Variants in CFLAR observed in about 807,000 individuals in gnomAD.
The protein encoded by CFLAR is CASP8 and FADD-like apoptosis regulator.
Under a neutral mutation model 51.1 loss-of-function variants are expected in CFLAR, and 14 were observed. That is an observed-to-expected ratio of 0.27 (90% CI 0.18 to 0.43). The LOEUF (loss-of-function observed/expected upper bound fraction) is 0.43. Among genes scored for constraint, CFLAR ranks in the 20% least tolerant of loss-of-function variants. CFLAR has a pLI of 1.00. For synonymous variants in CFLAR, 210 were observed against 211.6 expected (o/e 0.99, Z 0.06); for missense variants, 390 against 566.5 (o/e 0.69, Z 3.16).
rs1165942850 is a variant in CFLAR, at chr2:201,172,564, C to G, written c.*8591C>G. ...GAAACTCCATACCAGTGAGCTGCCACTCTAATCCTCCTCTTCCCCCAGCCT... is the reference window on the plus strand; with the variant it reads ...GAAACTCCATACCAGTGAGCTGCCAGTCTAATCCTCCTCTTCCCCCAGCCT... On this transcript the variant is annotated 3_prime_UTR_variant, in exon 10 of 10. Transcript: ENST00000309955. 3 of 152,222 alleles carry G rather than the reference C, an allele frequency of 2.0e-5. No individual in the cohort carries two copies. The allele number at this position is 152,222 out of a possible 1,614,324, so 9.4% of individuals were successfully genotyped here. A position where few individuals can be genotyped will look rare whatever the true frequency, so the allele number is the denominator to read the frequency against.
rs1350915644 is a variant in CFLAR at position 201,164,057 on chromosome 2, GGAGTTC to G, written c.*88_*93del. The G allele has an allele frequency of 1.6e-5, 18 of 1,157,618 alleles. No individual in the cohort carries two copies. The highest frequency in any genetic ancestry group is 1.8e-5 in the Non-Finnish European group (15 of 824,646). The allele number at this position is 1,157,618 out of a possible 1,614,324, so 71.7% of individuals were successfully genotyped here. A position where few individuals can be genotyped will look rare whatever the true frequency, so the allele number is the denominator to read the frequency against. ...AAGGAGGGCAGATCACTTCAGGTCA[GGAGTTC>G]GAGACCAGCCTGGCCAACATGGTAA... On this transcript the variant is annotated 3_prime_UTR_variant, in exon 10 of 10. Transcript: ENST00000309955.
intron 1 of CFLAR, among the ~76,000 whole-genome samples, chr2:201,120,023 C>CTTTTTTTTTTTTT (rs34076189): frequency 2.9e-4 from 32 of 112,270 alleles, no homozygotes; most frequent in East Asian, 4.8e-4. Flanking sequence ...CTTTTCTTTT[C>CTTTTTTTTTTTTT]TTTTTTTTTT....
chr2:201,146,649 A>AT (rs1291020672), intron 6 of CFLAR: 1 of 152,278 alleles, frequency 6.6e-6, no homozygotes, highest in Non-Finnish European at 1.5e-5. Context: ...TCTTACACTG[A>AT]TGAGGCACAT....
At chr2:201,130,187 G>GCC in intron 2 of CFLAR, 41 bp downstream of exon 2, 7 of 292,392 alleles carry the variant, frequency 2.4e-5, no homozygotes, top group East Asian at 9.3e-5. Context: ...GGGTGGGAGG[G>GCC]AGTGAAGTGT....
rs900949177 is a variant in CFLAR at position 201,174,368 on chromosome 2, A to G, written c.*10395A>G. The G allele has an allele frequency of 1.3e-5, 2 of 152,112 alleles. No homozygotes were observed. The highest frequency in any genetic ancestry group is 4.8e-5 in the African/African-American group (2 of 41,404). 9.4% of individuals were successfully genotyped at this position (152,112 alleles called of 1,614,324 possible). A position where few individuals can be genotyped will look rare whatever the true frequency, so the allele number is the denominator to read the frequency against. On this transcript the variant is annotated 3_prime_UTR_variant, in exon 10 of 10. Coordinates refer to ENST00000309955, the MANE Select transcript of CFLAR (RefSeq NM_003879.7). Reference sequence around the variant, plus strand: ...CTTAGCATTACTTATTGAAAATACTATTTTTTCCCTATAGAATTATTTTAT... The same window carrying G: ...CTTAGCATTACTTATTGAAAATACTGTTTTTTCCCTATAGAATTATTTTAT...
intron 8 of CFLAR, 43 bp from the exon 9 acceptor site, chr2:201,160,389 C>A: frequency 1.9e-6 from 3 of 1,584,034 alleles, no homozygotes; most frequent in Non-Finnish European, 2.6e-6. Context: ...GAGCTCTCCT[C>A]ACTCCAGTGT....
At chr2:201,120,008 GC>G (rs2048030018) in intron 1 of CFLAR, among the ~76,000 whole-genome samples, 1 of 149,416 alleles carries the variant, frequency 6.7e-6, no homozygotes, top group South Asian at 2.1e-4. Context: ...TCAAGGTGGG[GC>G]CTTCTTTTCT....
At chr2:201,149,712 G>A (rs1940924792) in intron 7 of CFLAR, 42 bp from the exon 8 acceptor site, 2 of 1,479,326 alleles carry the variant, frequency 1.4e-6, no homozygotes, top group African/African-American at 1.4e-5. Flanking sequence ...TAGAAACAGA[G>A]CAATATCCAG....
Position 201,155,666 on chromosome 2 carries a change from C to G in CFLAR, c.794-4766C>G, listed in dbSNP as rs551791519. ...TGAGACAGGGTCTTGCTCTATCACC[C>G]AGAATGGAGCACAGGGGTACAATCA... On this transcript the variant is annotated intron_variant, in intron 8 of 9. Coordinates refer to ENST00000309955, the MANE Select transcript of CFLAR (RefSeq NM_003879.7). Among the ~76,000 whole-genome samples, 131 of 152,074 alleles carry G rather than the reference C, an allele frequency of 8.6e-4. 1 individual carries two copies. Among genetic ancestry groups the G allele is most frequent in the African/African-American group, 3.0e-3 (125 of 41,456 alleles).
chr2:201,131,726 A>G (rs1350117820), intron 2 of CFLAR, among the ~76,000 whole-genome samples: 2 of 152,026 alleles, frequency 1.3e-5, no homozygotes, highest in Non-Finnish European at 2.9e-5. Flanking sequence ...TTTTTGAGAC[A>G]GGGTCTTGCT....
chr2:201,155,553 C>T (rs769395853), intron 8 of CFLAR, among the ~76,000 whole-genome samples: 3 of 152,100 alleles, frequency 2.0e-5, no homozygotes, highest in Non-Finnish European at 4.4e-5. Flanking sequence ...GATGAGCCAT[C>T]GCACCTGGCC....
chr2:201,139,017 G>A (rs1321959442), intron 4 of CFLAR: 2 of 478,592 alleles, frequency 4.2e-6, no homozygotes, highest in East Asian at 1.1e-4. Context: ...GGAAAAGAAA[G>A]AGAGATCAGA....
chr2:201,123,838 A>G (rs1202269542), intron 1 of CFLAR, among the ~76,000 whole-genome samples: 1 of 152,242 alleles, frequency 6.6e-6, no homozygotes, highest in African/African-American at 2.4e-5. Flanking sequence ...TACTTTACCC[A>G]GAATTGTGCA....
intron 7 of CFLAR, 101 bp from the exon 8 acceptor site, chr2:201,149,653 C>A: frequency 1.2e-6 from 1 of 835,530 alleles, no homozygotes. Context: ...GAGTGACTCA[C>A]CTGCCAAAGG....
At chr2:201,134,212 G>T (rs1266892898) in intron 3 of CFLAR, among the ~76,000 whole-genome samples, 1 of 151,950 alleles carries the variant, frequency 6.6e-6, no homozygotes, top group African/African-American at 2.4e-5. Flanking sequence ...GGAGGTGAAG[G>T]CAGGAGAATC....
chr2:201,120,477 T>C (rs1282288562), intron 1 of CFLAR, among the ~76,000 whole-genome samples: 3 of 152,204 alleles, frequency 2.0e-5, no homozygotes, highest in Admixed American at 1.3e-4. Context: ...TTAGTACTTA[T>C]TATGAAAGAG....
chr2:201,136,466 C>G (rs985731706), intron 4 of CFLAR: 1 of 1,596,490 alleles, frequency 6.3e-7, no homozygotes, highest in African/African-American at 1.3e-5. Context: ...CTCACAACCA[C>G]TGTCCAACTT....
intron 6 of CFLAR, chr2:201,145,811 C>G (rs1007190609): frequency 5.8e-6 from 1 of 172,864 alleles, no homozygotes; most frequent in African/African-American, 2.4e-5. Flanking sequence ...TCTTGTCTTA[C>G]AGCCTATTTA....
intron 1 of CFLAR, chr2:201,119,248 A>G (rs966529243): frequency 6.6e-6 from 1 of 152,218 alleles, no homozygotes; most frequent in African/African-American, 2.4e-5. Flanking sequence ...TGGGCCAGGC[A>G]GAGTTCTGGG....
Sources: gnomAD v4.1 joint callset for allele counts (sites outside exome capture counted in the v4.1 genomes callset) on GRCh38, gnomAD v4.1.1 for gene constraint, MANE v1.5 for transcripts, NCBI Gene and HGNC (gene_info 2026-07-23, HGNC 2026-07-21) for gene names.